The following FGGY variants were observed in gnomAD, a reference collection of about 807,000 sequenced individuals.
FGGY encodes the protein FGGY carbohydrate kinase domain containing.
A neutral mutation model predicts 71.3 loss-of-function variants in FGGY; 72 were observed. The observed-to-expected ratio is 1.01, with a 90% CI of 0.84 to 1.23. The LOEUF is 1.23. Ranked by LOEUF, FGGY falls within the 50% of genes most tolerant of loss-of-function variation. The pLI is 0.00. For synonymous variants in FGGY, 251 were observed against 250.3 expected, an observed-to-expected ratio of 1.00 and a Z score of -0.02; for missense variants, 668 against 682.3, an observed-to-expected ratio of 0.98 and a Z score of 0.23.
intron 8 of FGGY, among the ~76,000 whole-genome samples, chr1:59,583,245 C>T (rs745940936): frequency 7.0e-6 from 1 of 143,510 alleles, no homozygotes; most frequent in Admixed American, 6.8e-5. Flanking sequence ...AAGTTCTCTT[C>T]GGCCCATCAT....
At chr1:59,617,367 A>G (rs371880075) in intron 9 of FGGY, among the ~76,000 whole-genome samples, 169 of 152,296 alleles carry the variant, frequency 1.1e-3, no homozygotes, top group African/African-American at 4.0e-3. Context: ...CTTCCATTAC[A>G]AAGCAATTAT....
intron 11 of FGGY, among the ~76,000 whole-genome samples, chr1:59,647,777 T>C (rs1390350642): frequency 6.9e-6 from 1 of 145,904 alleles, no homozygotes. Context: ...CTTTAAGTTT[T>C]AGGGTACATG....
chr1:59,420,795 T>G (rs1260460372), intron 5 of FGGY, among the ~76,000 whole-genome samples: 1 of 152,146 alleles, frequency 6.6e-6, no homozygotes, highest in African/African-American at 2.4e-5. Flanking sequence ...TCAATTTTTT[T>G]TTTCTCTTTG....
At chr1:59,670,442 T>G (rs1444246179) in intron 13 of FGGY, among the ~76,000 whole-genome samples, 2 of 152,208 alleles carry the variant, frequency 1.3e-5, no homozygotes, top group Non-Finnish European at 2.9e-5. Flanking sequence ...TTTGGGAGAT[T>G]TTTTTGGAGA....
chr1:59,530,189 A>G (rs1229602454), intron 7 of FGGY, among the ~76,000 whole-genome samples: 2 of 152,206 alleles, frequency 1.3e-5, no homozygotes, highest in African/African-American at 2.4e-5. Flanking sequence ...GGCCTCCCAA[A>G]GCTGAGAAAA....
intron 4 of FGGY, among the ~76,000 whole-genome samples, chr1:59,355,549 A>ATT (rs112884353): frequency 0.029 from 4,330 of 147,612 alleles, 191 homozygotes; most frequent in African/African-American, 0.1. Flanking sequence ...TGAGCAAGGG[A>ATT]TTTTTTTTTT....
In FGGY at chr1:59,469,986, A is replaced by G. The variant is rs181773251; in HGVS notation, c.670+12910A>G. On this transcript the variant is annotated intron_variant, in intron 6 of 15. Coordinates refer to ENST00000303721, the MANE Select transcript of FGGY (RefSeq NM_018291.5). ...GGTGTACATGTACCACATTTTCTTT[A>G]TCCAGTCTACCATTGATGGGCATTT... Among the ~76,000 whole-genome samples, 664 of 152,150 alleles carry G rather than the reference A, an allele frequency of 4.4e-3. 19 individuals are homozygous for G. The highest frequency in any genetic ancestry group is 1.4e-3 in the Non-Finnish European group (98 of 67,992).
chr1:59,380,721 A>T (rs894085486), intron 5 of FGGY, among the ~76,000 whole-genome samples: 2 of 151,252 alleles, frequency 1.3e-5, no homozygotes, highest in African/African-American at 4.9e-5. Context: ...GATTGCAAAA[A>T]TTTTCTCCCA....
At chr1:59,667,195 G>T in intron 12 of FGGY, 88 bp from the exon 13 acceptor site, 1 of 1,518,522 alleles carries the variant, frequency 6.6e-7, no homozygotes, top group South Asian at 1.1e-5. Flanking sequence ...TTAGTACAGT[G>T]TCTAGCACTG....
intron 14 of FGGY, among the ~76,000 whole-genome samples, chr1:59,704,964 T>A (rs1322067709): frequency 6.6e-6 from 1 of 152,186 alleles, no homozygotes; most frequent in Non-Finnish European, 1.5e-5. Flanking sequence ...TTTGCCAATT[T>A]TCGGGCAGAA....
At chr1:59,315,876 C>T (rs1013389655) in intron 1 of FGGY, 11 of 152,056 alleles carry the variant, frequency 7.2e-5, no homozygotes, top group Admixed American at 2.6e-4. Flanking sequence ...GAGGGAAAGG[C>T]GAAAAAGAAC....
intron 9 of FGGY, among the ~76,000 whole-genome samples, chr1:59,615,673 G>A (rs2096744581): frequency 6.6e-6 from 1 of 152,160 alleles, no homozygotes; most frequent in African/African-American, 2.4e-5. Flanking sequence ...AAGAGCTTCT[G>A]CCCAGCAAAA....
intron 10 of FGGY, among the ~76,000 whole-genome samples, chr1:59,636,484 G>T (rs527431366): frequency 2.6e-5 from 4 of 152,080 alleles, no homozygotes; most frequent in Non-Finnish European, 1.5e-5. Flanking sequence ...TTAGCCAGGC[G>T]TGGTGGCGGA....
intron 5 of FGGY, among the ~76,000 whole-genome samples, chr1:59,418,062 T>A (rs1419286989): frequency 1.3e-5 from 2 of 152,136 alleles, no homozygotes; most frequent in Non-Finnish European, 2.9e-5. Context: ...TGAGGTTTTG[T>A]TAAGCTAAGG....
intron 4 of FGGY, among the ~76,000 whole-genome samples, chr1:59,369,155 C>A (rs1195322390): frequency 6.6e-6 from 1 of 152,172 alleles, no homozygotes; most frequent in Non-Finnish European, 1.5e-5. Context: ...GTTCCCTTTC[C>A]TAGTCAAAGA....
At position 59,449,318 on chromosome 1, in the gene FGGY, C is replaced by G. The variant is rs528295644; in HGVS notation, c.555-7643C>G. Among the ~76,000 whole-genome samples, 4 of 152,168 alleles carry G rather than the reference C, an allele frequency of 2.6e-5. No homozygotes were observed. In the South Asian group the frequency reaches 6.2e-4, roughly 24 times the overall value. On this transcript the variant is annotated intron_variant, in intron 5 of 15. Transcript: ENST00000303721. ...TTATTTTTTGAGACTGAGTCTTGCTCTGTCCCCCAGGCTGGAGTGCAATGG... is the reference window on the plus strand; with the variant it reads ...TTATTTTTTGAGACTGAGTCTTGCTGTGTCCCCCAGGCTGGAGTGCAATGG...
chr1:59,421,283 C>T (rs2065365538), intron 5 of FGGY, among the ~76,000 whole-genome samples: 1 of 152,164 alleles, frequency 6.6e-6, no homozygotes, highest in African/African-American at 2.4e-5. Context: ...TATATCAATA[C>T]AGAATGGCTA....
chr1:59,341,098 G>A (rs1373673359), intron 3 of FGGY, among the ~76,000 whole-genome samples: 1 of 152,194 alleles, frequency 6.6e-6, no homozygotes, highest in Non-Finnish European at 1.5e-5. Context: ...GATACACAGT[G>A]GAATTAGAGT....
intron 11 of FGGY, among the ~76,000 whole-genome samples, chr1:59,641,059 C>A (rs570451114): frequency 1.3e-5 from 2 of 150,852 alleles, no homozygotes; most frequent in Admixed American, 6.6e-5. Context: ...TCCCAGCGGT[C>A]AGGAAAGCTC....
Sources: gnomAD v4.1 joint callset for allele counts (sites outside exome capture counted in the v4.1 genomes callset) on GRCh38, gnomAD v4.1.1 for gene constraint, MANE v1.5 for transcripts, NCBI Gene and HGNC (gene_info 2026-07-23, HGNC 2026-07-21) for gene names.